Variants in BRIP1 observed in about 807,000 individuals in gnomAD.
BRIP1 encodes BRCA1 interacting DNA helicase 1, also known as Fanconi anemia group J protein.
In BRIP1, 88 loss-of-function variants were observed where a neutral mutation model predicts 119.7. That is an observed-to-expected ratio of 0.74 (90% CI 0.62 to 0.88). The LOEUF is 0.88. BRIP1 is among the 40% of genes least tolerant of loss of function. The probability of loss-of-function intolerance (pLI) is 0.00; values close to 1 mark genes in which losing one functional copy is unlikely to be tolerated. For synonymous variants in BRIP1, 443 were observed against 496.5 expected (o/e 0.89, Z 1.43); for missense variants, 1,259 against 1,455.4 (o/e 0.87, Z 2.20).
chr17:61,742,937 G>A lies in BRIP1; in HGVS notation c.2379+76C>T, dbSNP rs2144672943. ...CTATAAAAGCAAAGCGCAATAAAAT[G>A]AGGGATCCCTGCAATTAACTTTATA... On this transcript the variant is annotated intron_variant, in intron 16 of 19. Coordinates refer to ENST00000259008, the MANE Select transcript of BRIP1 (RefSeq NM_032043.3). The surrounding 1 kb of genome is among the most constrained non-coding windows in gnomAD (Gnocchi z 4.7). 1.9e-6 allele frequency: 3 copies of A among 1,563,168 alleles called. No homozygotes were observed. The highest frequency in any genetic ancestry group is 1.8e-6 in the Non-Finnish European group (2 of 1,135,742).
chr17:61,744,615 G>C lies in BRIP1; in HGVS notation c.2098-24C>G, dbSNP rs755311277. 1 of 1,602,984 alleles carries C rather than the reference G, an allele frequency of 6.2e-7. No individual in the cohort carries two copies. Among genetic ancestry groups the C allele is most frequent in the Non-Finnish European group, 8.5e-7 (1 of 1,170,234 alleles). ...AACTAAAGAGGGGAAAGAAAAAAAT[G>C]ATTTTTTGTGTGTCTAGCTAAACAA... On this transcript the variant is annotated intron_variant, in intron 14 of 19. Transcript: ENST00000259008. This position sits in a 1 kb window ranked among gnomAD's most constrained non-coding sequence, Gnocchi z 5.0.
At chr17:61,765,848 C>T (rs2077366101) in intron 14 of BRIP1, among the ~76,000 whole-genome samples, 1 of 151,520 alleles carries the variant, frequency 6.6e-6, no homozygotes, top group African/African-American at 2.4e-5. Context: ...CACACACACA[C>T]ACACACACAC....
chr17:61,732,990 G>A (rs1276668219), intron 16 of BRIP1, among the ~76,000 whole-genome samples: 2 of 152,076 alleles, frequency 1.3e-5, no homozygotes, highest in Non-Finnish European at 1.5e-5. Flanking sequence ...CACTGCACAC[G>A]GCCGTCATTA....
Position 61,705,303 on chromosome 17 carries a change from G to C in BRIP1, c.2492+10648C>G, listed in dbSNP as rs992347177. ...TTTTAATGGCTGTGCAGTATTCCAC[G>C]GTGTATATGTACCACATTTTCTTTA... On this transcript the variant is annotated intron_variant, in intron 17 of 19. Transcript: ENST00000259008. The surrounding 1 kb of genome is among the most constrained non-coding windows in gnomAD (Gnocchi z 5.0). 6.6e-6 allele frequency among the ~76,000 whole-genome samples: 1 copy of C among 152,082 alleles called. No individual in the cohort carries two copies. The highest frequency in any genetic ancestry group is 1.5e-5 in the Non-Finnish European group (1 of 68,002).
rs183825158 is a variant in BRIP1 at position 61,738,862 on chromosome 17, A to G, written c.2379+4151T>C. Among the ~76,000 whole-genome samples, 1 of 152,214 alleles carries G rather than the reference A, an allele frequency of 6.6e-6. No individual in the cohort carries two copies. Among genetic ancestry groups the G allele is most frequent in the Non-Finnish European group, 1.5e-5 (1 of 68,038 alleles). ...AAAATTCTTTTGATAACTACTCTGA[A>G]TATCATTCCCTTCTCTTCTCCTCAT... On this transcript the variant is annotated intron_variant, in intron 16 of 19. Transcript: ENST00000259008. This position sits in a 1 kb window ranked among gnomAD's most constrained non-coding sequence, Gnocchi z 4.2.
rs2078430310 is a variant in BRIP1, at chr17:61,827,649, A to G, written c.628-18892T>C. 6.6e-6 allele frequency among the ~76,000 whole-genome samples: 1 copy of G among 152,160 alleles called. No homozygotes were observed. The highest frequency in any genetic ancestry group is 2.4e-5 in the African/African-American group (1 of 41,432). On this transcript the variant is annotated intron_variant, in intron 6 of 19. Transcript: ENST00000259008. The surrounding 1 kb of genome is among the most constrained non-coding windows in gnomAD (Gnocchi z 5.8). ...GAGGCTGAGGTGGGAGGACTGCTTGATCCTGGGAGGCGGACACTGCAGTCA... is the reference window on the plus strand; with the variant it reads ...GAGGCTGAGGTGGGAGGACTGCTTGGTCCTGGGAGGCGGACACTGCAGTCA...
At position 61,794,816 on chromosome 17, in the gene BRIP1, G is replaced by A. The variant is rs1450380730; in HGVS notation, c.1341-1087C>T. 2.0e-5 allele frequency among the ~76,000 whole-genome samples: 3 copies of A among 151,618 alleles called. No individual in the cohort carries two copies. In the Admixed American group the frequency reaches 2.0e-4, roughly 10 times the overall value. ...TAATGTCAAGAATGCTCTCCCTGAGGTGACATTTATTCTAATAACTGAATG... is the reference window on the plus strand; with the variant it reads ...TAATGTCAAGAATGCTCTCCCTGAGATGACATTTATTCTAATAACTGAATG... On this transcript the variant is annotated intron_variant, in intron 9 of 19. Coordinates refer to ENST00000259008, the MANE Select transcript of BRIP1 (RefSeq NM_032043.3). The surrounding 1 kb of genome is among the most constrained non-coding windows in gnomAD (Gnocchi z 4.3).
rs1338590006 is a variant in BRIP1, at chr17:61,693,194, G to C, written c.2575+236C>G. ...AATAGAAGCAGAAAGTATAGCGGTG[G>C]TTGTCAGTGGACAGGGGGGAGAGGG... is the stretch of plus-strand genomic sequence containing the variant. On this transcript the variant is annotated intron_variant, in intron 18 of 19. Coordinates refer to ENST00000259008, the MANE Select transcript of BRIP1 (RefSeq NM_032043.3). The surrounding 1 kb of genome is among the most constrained non-coding windows in gnomAD (Gnocchi z 4.2). 6.6e-6 allele frequency among the ~76,000 whole-genome samples: 1 copy of C among 152,168 alleles called. No individual in the cohort carries two copies. The highest frequency in any genetic ancestry group is 2.4e-5 in the African/African-American group (1 of 41,448).
At position 61,744,558 on chromosome 17, in the gene BRIP1, T is replaced by C. The variant is rs760515227; in HGVS notation, c.2131A>G (p.Thr711Ala). 4 of 1,613,782 alleles carry C rather than the reference T, an allele frequency of 2.5e-6. No individual in the cohort carries two copies. The highest frequency in any genetic ancestry group is 1.3e-5 in the African/African-American group (1 of 75,034). ...LEKLKERWLS[T>A]GLWHNLELVK... ...AACTCCAGATTATGCCATAAACCAG[T>C]AGAGAGCCAACGTTCTTTTAATTTT... Residue 711 changes from threonine (T) to alanine (A), a missense_variant, in exon 15 of 20, where the codon ACT becomes GCT. Transcript: ENST00000259008. This position sits in a 1 kb window ranked among gnomAD's most constrained non-coding sequence, Gnocchi z 5.0.
At chr17:61,838,460 G>A (rs376403127) in intron 6 of BRIP1, among the ~76,000 whole-genome samples, 2 of 151,566 alleles carry the variant, frequency 1.3e-5, no homozygotes, top group South Asian at 2.1e-4. Flanking sequence ...GCAGGAGAAC[G>A]GTGTGAACCC....
chr17:61,781,849 A>G (rs1202551715), intron 11 of BRIP1, among the ~76,000 whole-genome samples: 1 of 149,046 alleles, frequency 6.7e-6, no homozygotes, highest in Non-Finnish European at 1.5e-5. Context: ...TGAACCCGGG[A>G]GGTGGAGGTT....
At chr17:61,784,191 A>T (rs2145133025) in intron 11 of BRIP1, 79 bp downstream of exon 11, 1 of 1,260,150 alleles carries the variant, frequency 7.9e-7, no homozygotes, top group Non-Finnish European at 1.1e-6. Context: ...CACCCAAAAT[A>T]GGTATGTATT....
chr17:61,855,267 T>C (rs2078879597), intron 4 of BRIP1, among the ~76,000 whole-genome samples: 1 of 152,172 alleles, frequency 6.6e-6, no homozygotes, highest in Non-Finnish European at 1.5e-5. Flanking sequence ...GAGGTACATA[T>C]GTCAAAATGT....
At position 61,683,674 on chromosome 17, in the gene BRIP1, T is replaced by C. The variant is rs2144078522; in HGVS notation, c.3372A>G (p.Glu1124=). 1 of 1,613,788 alleles carries C rather than the reference T, an allele frequency of 6.2e-7. No homozygotes were observed. The highest frequency in any genetic ancestry group is 8.5e-7 in the Non-Finnish European group (1 of 1,180,018). The change falls in exon 20 of 20, where the codon GAA becomes GAG. Residue 1124 remains glutamate (E), a synonymous_variant. Coordinates refer to ENST00000259008, the MANE Select transcript of BRIP1 (RefSeq NM_032043.3). This position sits in a 1 kb window ranked among gnomAD's most constrained non-coding sequence, Gnocchi z 4.7. The part of the protein sequence containing the change: ...QSTSNRDFET[E]AEDESIYFTP... Reference sequence around the variant, plus strand: ...TAAAATAGATAGATTCATCTTCTGCTTCTGTTTCAAAATCTCTATTTGAAG... The same window carrying C: ...TAAAATAGATAGATTCATCTTCTGCCTCTGTTTCAAAATCTCTATTTGAAG...
Position 61,809,976 on chromosome 17 carries a change from G to A in BRIP1, c.628-1219C>T, listed in dbSNP as rs2078136989. On this transcript the variant is annotated intron_variant, in intron 6 of 19. Transcript: ENST00000259008. This position sits in a 1 kb window ranked among gnomAD's most constrained non-coding sequence, Gnocchi z 5.2. ...CTCCCAGTCTCACTCAACCTTGTCC[G>A]CCATTAAATATTACAATACATGATA... 6.6e-6 allele frequency among the ~76,000 whole-genome samples: 1 copy of A among 152,140 alleles called. No homozygotes were observed. Among genetic ancestry groups the A allele is most frequent in the Non-Finnish European group, 1.5e-5 (1 of 68,030 alleles).
rs1323783653 is a variant in BRIP1, at chr17:61,843,486, C to A, written c.627+3615G>T. On this transcript the variant is annotated intron_variant, in intron 6 of 19. Transcript: ENST00000259008. The surrounding 1 kb of genome is among the most constrained non-coding windows in gnomAD (Gnocchi z 5.7). The stretch of plus-strand genomic sequence containing the variant: ...ACTCTCATGCTGAAATGTGATCCCC[C>A]AAGTTGGAGGTGGGGCCTAGTGTAA... 6.6e-6 allele frequency among the ~76,000 whole-genome samples: 1 copy of A among 152,108 alleles called. No individual in the cohort carries two copies. Among genetic ancestry groups the A allele is most frequent in the Admixed American group, 6.5e-5 (1 of 15,268 alleles).
intron 6 of BRIP1, among the ~76,000 whole-genome samples, chr17:61,813,925 GTTATA>G (rs1362683763): frequency 6.6e-6 from 1 of 151,958 alleles, no homozygotes; most frequent in Admixed American, 6.6e-5. Flanking sequence ...TTTAAAGTTA[GTTATA>G]TTATTTTATG....
Position 61,734,644 on chromosome 17 carries a change from C to T in BRIP1, c.2379+8369G>A, listed in dbSNP as rs971121751. On this transcript the variant is annotated intron_variant, in intron 16 of 19. Transcript: ENST00000259008. The surrounding 1 kb of genome is among the most constrained non-coding windows in gnomAD (Gnocchi z 5.2). ...TTTTCCTACCTCTACTTTCTAGTCC[C>T]TAAGGTGGGAAGAGGAAATCCTGGT... 1.3e-5 allele frequency among the ~76,000 whole-genome samples: 2 copies of T among 152,144 alleles called. No homozygotes were observed. The highest frequency in any genetic ancestry group is 2.9e-5 in the Non-Finnish European group (2 of 68,016).
chr17:61,685,069 T>G (rs2061340789), intron 19 of BRIP1: 2 of 152,274 alleles, frequency 1.3e-5, no homozygotes, highest in South Asian at 4.1e-4. Flanking sequence ...TTGGCAAACC[T>G]TTTCTGTCAT....
Sources: gnomAD v4.1 joint callset for allele counts (sites outside exome capture counted in the v4.1 genomes callset) on GRCh38, gnomAD v4.1.1 for gene constraint, Gnocchi (gnomAD v3.1) non-coding constraint, MANE v1.5 for transcripts, NCBI Gene and HGNC (gene_info 2026-07-23, HGNC 2026-07-21) for gene names.